Variants in LNX1 observed in about 807,000 individuals in gnomAD.
LNX1 encodes the protein E3 ubiquitin-protein ligase LNX.
LNX1 carries 54 observed loss-of-function variants against 68.4 expected under a neutral mutation model. The observed-to-expected ratio is 0.79, with a 90% CI of 0.63 to 0.99. LNX1 has a LOEUF of 0.99. Ranked by LOEUF, LNX1 falls within the 50% of genes least tolerant of loss-of-function variation. The pLI, the probability that LNX1 is intolerant of heterozygous loss-of-function variation, is 0.00. For missense variants in LNX1, 906 were observed against 926.4 expected, an observed-to-expected ratio of 0.98 and a Z score of 0.29; for synonymous variants, 336 against 350.0, an observed-to-expected ratio of 0.96 and a Z score of 0.45.
intron 5 of LNX1, among the ~76,000 whole-genome samples, chr4:53,498,366 G>A (rs1313490590): frequency 6.6e-6 from 1 of 152,030 alleles, no homozygotes; most frequent in Non-Finnish European, 1.5e-5. Context: ...AAGCTAGAAG[G>A]GAGAAGGCAG....
chr4:53,564,423 T>C (rs1386168395), intron 2 of LNX1, among the ~76,000 whole-genome samples: 1 of 152,124 alleles, frequency 6.6e-6, no homozygotes, highest in Non-Finnish European at 1.5e-5. Flanking sequence ...CCCCAAACAG[T>C]CCTGGATGAG....
intron 2 of LNX1, chr4:53,508,458 C>T: frequency 1.9e-6 from 1 of 528,284 alleles, no homozygotes; most frequent in Non-Finnish European, 3.3e-6. Context: ...ACTGCATTCT[C>T]TTAAAGCAAT....
chr4:53,512,135 G>A (rs1212633438), intron 2 of LNX1, among the ~76,000 whole-genome samples: 1 of 152,176 alleles, frequency 6.6e-6, no homozygotes, highest in Non-Finnish European at 1.5e-5. Flanking sequence ...GGCCATTGGG[G>A]ACCATGGTGA....
intron 1 of LNX1, among the ~76,000 whole-genome samples, chr4:53,632,808 G>A (rs932265525): frequency 1.3e-5 from 2 of 152,168 alleles, no homozygotes; most frequent in Non-Finnish European, 2.9e-5. Flanking sequence ...CAGCAACTTG[G>A]TCACATTTCC....
rs775235157 is a variant in LNX1 at position 53,573,680 on chromosome 4, C to T, written c.323G>A (p.Arg108Lys). The T allele has an allele frequency of 1.2e-6, 2 of 1,608,876 alleles. No homozygotes were observed. The highest frequency in any genetic ancestry group is 2.2e-5 in the East Asian group (1 of 44,710). ...CTGCAACACCTGGGTGCAGTGCTCCCTGAATGGGCAGGTCACCAGTAGCTT... is the reference window on the plus strand; with the variant it reads ...CTGCAACACCTGGGTGCAGTGCTCCTTGAATGGGCAGGTCACCAGTAGCTT... Reference protein sequence around the residue: ...LNKLLVTCPFREHCTQVLQRC... With the variant: ...LNKLLVTCPFKEHCTQVLQRC... The change falls in exon 2 of 11, where the codon AGG becomes AAG. Residue 108 changes from arginine (R) to lysine (K), a missense_variant. Physicochemically the swap from Arg to Lys is conservative, Grantham distance 26. Transcript: ENST00000263925.
chr4:53,574,700 C>T (rs915759889), intron 1 of LNX1, among the ~76,000 whole-genome samples: 39 of 152,234 alleles, frequency 2.6e-4, no homozygotes, highest in African/African-American at 8.7e-4. Flanking sequence ...AATCCCACCA[C>T]TATGGGCCAA....
At chr4:53,480,933 G>C (rs1723870715) in intron 7 of LNX1, among the ~76,000 whole-genome samples, 1 of 152,114 alleles carries the variant, frequency 6.6e-6, no homozygotes, top group Non-Finnish European at 1.5e-5. Context: ...GAACTCAGGA[G>C]AGATGACTGA....
chr4:53,591,658 T>C, upstream of LNX1: 1 of 826,326 alleles, frequency 1.2e-6, no homozygotes, highest in Non-Finnish European at 1.5e-6. Context: ...CCTGAATACC[T>C]GCAAGCAGGT....
At chr4:53,556,546 A>G (rs1209217894) in intron 2 of LNX1, among the ~76,000 whole-genome samples, 1 of 152,308 alleles carries the variant, frequency 6.6e-6, no homozygotes, top group East Asian at 1.9e-4. Flanking sequence ...CTCAGCATCC[A>G]TTGAGAGAGG....
intron 4 of LNX1, among the ~76,000 whole-genome samples, chr4:53,507,005 T>G (rs908106380): frequency 3.3e-5 from 5 of 152,124 alleles, no homozygotes; most frequent in Admixed American, 3.3e-4. Context: ...ATTGCATTTA[T>G]TATATGTGCC....
At chr4:53,584,773 A>G (rs1732061461) in intron 1 of LNX1, among the ~76,000 whole-genome samples, 1 of 152,228 alleles carries the variant, frequency 6.6e-6, no homozygotes, top group African/African-American at 2.4e-5. Context: ...CAAGATCCCT[A>G]CAGCACCTAC....
At chr4:53,545,920 G>A (rs185576815) in intron 2 of LNX1, among the ~76,000 whole-genome samples, 8 of 148,536 alleles carry the variant, frequency 5.4e-5, no homozygotes, top group East Asian at 4.0e-4. Flanking sequence ...CAATTCTCCC[G>A]CCTCAACCTC....
chr4:53,523,072 A>G (rs1727351343), intron 2 of LNX1: 1 of 152,192 alleles, frequency 6.6e-6, no homozygotes, highest in East Asian at 1.9e-4. Flanking sequence ...AGATCAATCA[A>G]TCCCTGGCAG....
intron 2 of LNX1, chr4:53,549,437 T>C (rs1195890131): frequency 7.3e-6 from 1 of 136,362 alleles, no homozygotes; most frequent in Non-Finnish European, 1.7e-5. Context: ...CGGCGGAGAA[T>C]GAAGAACGGA....
intron 2 of LNX1, among the ~76,000 whole-genome samples, chr4:53,537,845 A>G (rs1577679103): frequency 6.6e-6 from 1 of 152,230 alleles, no homozygotes; most frequent in African/African-American, 2.4e-5. Flanking sequence ...CTTCCTCATG[A>G]AACACACTCT....
intron 2 of LNX1, among the ~76,000 whole-genome samples, chr4:53,566,155 A>C (rs1178593042): frequency 6.6e-6 from 1 of 152,084 alleles, no homozygotes; most frequent in Admixed American, 6.5e-5. Flanking sequence ...GAACGGCACA[A>C]AGATACTCCT....
chr4:53,588,108 C>T lies in LNX1; in HGVS notation c.-87+3280G>A, dbSNP rs577568225. Reference sequence around the variant, plus strand: ...ATAACAATAGTTAACACTCACTGAACATTTAAAATATGCCAGGCACTTTCC... The same window carrying T: ...ATAACAATAGTTAACACTCACTGAATATTTAAAATATGCCAGGCACTTTCC... On this transcript the variant is annotated intron_variant, in intron 1 of 10. Coordinates refer to ENST00000263925, the MANE Select transcript of LNX1 (RefSeq NM_001126328.3). 3.9e-5 allele frequency among the ~76,000 whole-genome samples: 6 copies of T among 152,302 alleles called. No individual in the cohort carries two copies. In the South Asian group the frequency reaches 1.2e-3, roughly 32 times the overall value.
At chr4:53,534,740 A>G (rs1383961475) in intron 2 of LNX1, among the ~76,000 whole-genome samples, 2 of 152,242 alleles carry the variant, frequency 1.3e-5, no homozygotes, top group African/African-American at 2.4e-5. Flanking sequence ...CACAAGAAAT[A>G]TCTCAACTGT....
At chr4:53,616,011 A>G (rs1733665586) in intron 2 of LNX1, among the ~76,000 whole-genome samples, 1 of 143,860 alleles carries the variant, frequency 7.0e-6, no homozygotes, top group African/African-American at 2.6e-5. Context: ...CTTTCTAACT[A>G]TTTTTTGTAT....
Sources: allele counts gnomAD v4.1 joint callset (sites outside exome capture counted in the v4.1 genomes callset), GRCh38; gene constraint gnomAD v4.1.1; transcripts MANE v1.5; gene names NCBI Gene and HGNC (gene_info 2026-07-23, HGNC 2026-07-21).